Variants in ALG12 observed in about 807,000 individuals in gnomAD.
ALG12 encodes the protein dol-P-Man:Man(7)GlcNAc(2)-PP-Dol alpha-1,6-mannosyltransferase.
Under a neutral mutation model 46.0 loss-of-function variants are expected in ALG12, and 36 were observed. That is an observed-to-expected ratio of 0.78 (90% CI 0.60 to 1.03). The LOEUF (loss-of-function observed/expected upper bound fraction) is 1.03, where lower values mean the gene tolerates loss of function less well. Among genes scored for constraint, ALG12 ranks in the 50% least tolerant of loss-of-function variants. ALG12 has a pLI of 0.00. For missense variants in ALG12, 599 were observed against 633.5 expected, an observed-to-expected ratio of 0.95 and a Z score of 0.58; for synonymous variants, 326 against 291.6, an observed-to-expected ratio of 1.12 and a Z score of -1.20.
chr22:49,900,501 T>A lies in ALG12; in HGVS notation c.*3337A>T, dbSNP rs1309362191. ...AACGAAGGCACCACTACACTGACGG[T>A]GGAGAAGCCGACCCAAGGAACTCAT... On this transcript the variant is annotated 3_prime_UTR_variant, in exon 10 of 10. Transcript: ENST00000330817. 1 of 152,158 alleles carries A rather than the reference T, an allele frequency of 6.6e-6. No homozygotes were observed. The highest frequency in any genetic ancestry group is 1.5e-5 in the Non-Finnish European group (1 of 68,058). The allele number at this position is 152,158 out of a possible 1,614,324, so 9.4% of individuals were successfully genotyped here.
the ALG12 span, chr22:49,884,439 T>C: frequency 6.2e-7 from 1 of 1,614,092 alleles, no homozygotes; most frequent in African/African-American, 1.3e-5. Context: ...CCCACCTCCC[T>C]GCTCTCCATT....
At chr22:49,864,947 C>G in the ALG12 span, among the ~76,000 whole-genome samples, 7 of 91,786 alleles carry the variant, frequency 7.6e-5, 2 homozygotes, top group African/African-American at 1.5e-4. Context: ...GCCCCCCCCC[C>G]CCCCCGTGAA....
At chr22:49,916,271 T>A (rs577536234) in intron 1 of ALG12, among the ~76,000 whole-genome samples, 41 of 148,274 alleles carry the variant, frequency 2.8e-4, no homozygotes, top group African/African-American at 5.2e-4. Context: ...ATAAATAAAT[T>A]AATTAAATTA....
chr22:49,884,676 C>T, the ALG12 span: 42 of 1,608,266 alleles, frequency 2.6e-5, no homozygotes, highest in Middle Eastern at 3.3e-4. Context: ...ACCGCGCCAT[C>T]GTGTTGCAGG....
At chr22:49,885,789 T>C in the ALG12 span, 8 of 1,605,470 alleles carry the variant, frequency 5.0e-6, no homozygotes, top group African/African-American at 2.7e-5. Flanking sequence ...CAGGTATGTA[T>C]GATAATGTGA....
the ALG12 span, chr22:49,883,992 G>A: frequency 6.2e-7 from 1 of 1,612,994 alleles, no homozygotes; most frequent in Non-Finnish European, 8.5e-7. Context: ...TTTCCAGCCG[G>A]AACATGAGCT....
the ALG12 span, among the ~76,000 whole-genome samples, chr22:49,894,427 A>G: frequency 2.6e-3 from 401 of 152,314 alleles, 2 homozygotes; most frequent in Middle Eastern, 0.014. Flanking sequence ...AAACCCAGCT[A>G]TGTTCATTCA....
In ALG12 at chr22:49,906,653, C is replaced by T. The variant is rs933309340; in HGVS notation, c.992+1068G>A. Among the ~76,000 whole-genome samples, 3 of 152,346 alleles carry T rather than the reference C, an allele frequency of 2.0e-5. No individual in the cohort carries two copies. In the East Asian group the frequency reaches 5.8e-4, roughly 29 times the overall value. ...CTTCCTCTCCAGCCAGAGTGGGCAC[C>T]TCTCAATGCCCCAGGCCGCGGCCCT... On this transcript the variant is annotated intron_variant, in intron 7 of 9. Coordinates refer to ENST00000330817, the MANE Select transcript of ALG12 (RefSeq NM_024105.4). This position sits in a 1 kb window ranked among gnomAD's most constrained non-coding sequence, Gnocchi z 4.4.
rs111213457 is a variant in ALG12 at position 49,901,940 on chromosome 22, C to T, written c.*1898G>A. The T allele has an allele frequency of 0.34, 35,112 of 104,544 alleles. 8,211 individuals carry two copies. Among genetic ancestry groups the T allele is most frequent in the African/African-American group, 0.69 (18,676 of 27,112 alleles). 6.5% of individuals were successfully genotyped at this position (104,544 alleles called of 1,614,324 possible). A position where few individuals can be genotyped will look rare whatever the true frequency, so the allele number is the denominator to read the frequency against. On this transcript the variant is annotated 3_prime_UTR_variant, in exon 10 of 10. Coordinates refer to ENST00000330817, the MANE Select transcript of ALG12 (RefSeq NM_024105.4). ...TGCACGCATGCACTGTGTGTATGCA[C>T]GGTAATGTGCACGTGTGCACTGTGT...
At chr22:49,885,790 G>A in the ALG12 span, 1 of 1,605,616 alleles carries the variant, frequency 6.2e-7, no homozygotes, top group Non-Finnish European at 8.5e-7. Context: ...AGGTATGTAT[G>A]ATAATGTGAA....
chr22:49,880,712 C>T, the ALG12 span, among the ~76,000 whole-genome samples: 1 of 152,152 alleles, frequency 6.6e-6, no homozygotes, highest in Non-Finnish European at 1.5e-5. Flanking sequence ...TTTATTTATT[C>T]CTGATTCTTT....
At chr22:49,886,243 C>T in the ALG12 span, 6 of 1,027,642 alleles carry the variant, frequency 5.8e-6, no homozygotes, top group Non-Finnish European at 7.4e-6. This position sits in a 1 kb window ranked among gnomAD's most constrained non-coding sequence, Gnocchi z 7.7. Flanking sequence ...CGAGCGGGTG[C>T]ACCGGTCGCC....
chr22:49,897,894 C>T (rs1188419096), downstream of ALG12, among the ~76,000 whole-genome samples: 3 of 151,964 alleles, frequency 2.0e-5, no homozygotes, highest in African/African-American at 2.4e-5. Context: ...CTCCTGACCT[C>T]GTGATCTGCC....
the ALG12 span, among the ~76,000 whole-genome samples, chr22:49,879,001 C>T: frequency 2.0e-5 from 3 of 151,344 alleles, no homozygotes; most frequent in East Asian, 2.0e-4. Context: ...AAAAATTAGC[C>T]GGGTGTGGTG....
chr22:49,910,689 A>G (rs1399979271), intron 3 of ALG12, 82 bp from the exon 4 acceptor site: 4 of 1,501,088 alleles, frequency 2.7e-6, no homozygotes, highest in Non-Finnish European at 3.7e-6. Flanking sequence ...TTCTACACAG[A>G]TCTTTCTATA....
At chr22:49,890,843 C>T in the ALG12 span, among the ~76,000 whole-genome samples, 3 of 152,010 alleles carry the variant, frequency 2.0e-5, no homozygotes, top group Non-Finnish European at 2.9e-5. Flanking sequence ...GGTGAAACCC[C>T]GTCCCGTCTC....
rs1218973603 is a variant in ALG12 at position 49,901,720 on chromosome 22, GTA to G, written c.*2116_*2117del. 1 of 151,498 alleles carries G rather than the reference GTA, an allele frequency of 6.6e-6. No individual in the cohort carries two copies. The highest frequency in any genetic ancestry group is 1.5e-5 in the Non-Finnish European group (1 of 67,982). The allele number at this position is 151,498 out of a possible 1,614,324, so 9.4% of individuals were successfully genotyped here. ...TTGTGTGTGGATGCATGTGTGGTGTGTATGCATGGTGTGCACGTGCATTGTGC... is the reference window on the plus strand; with the variant it reads ...TTGTGTGTGGATGCATGTGTGGTGTGTGCATGGTGTGCACGTGCATTGTGC... On this transcript the variant is annotated 3_prime_UTR_variant, in exon 10 of 10. Transcript: ENST00000330817.
the ALG12 span, chr22:49,884,566 T>A: frequency 6.2e-7 from 1 of 1,612,968 alleles, no homozygotes; most frequent in South Asian, 1.1e-5. Flanking sequence ...ACTGGACAAC[T>A]CCAAAGCTGT....
chr22:49,861,416 A>G, the ALG12 span, among the ~76,000 whole-genome samples: 2 of 152,072 alleles, frequency 1.3e-5, no homozygotes, highest in African/African-American at 4.8e-5. Context: ...TGGTGGGATT[A>G]CAGATGTGAG....
Sources: allele counts gnomAD v4.1 joint callset (sites outside exome capture counted in the v4.1 genomes callset), GRCh38; gene constraint gnomAD v4.1.1; non-coding constraint Gnocchi (gnomAD v3.1); transcripts MANE v1.5; gene names NCBI Gene and HGNC (gene_info 2026-07-23, HGNC 2026-07-21).